The following TNIK variants were observed in gnomAD, a reference collection of about 807,000 sequenced individuals.
TNIK encodes TRAF2 and NCK interacting kinase, also known as TRAF2 and NCK-interacting protein kinase.
Under a neutral mutation model 191.3 loss-of-function variants are expected in TNIK, and 49 were observed. The observed-to-expected ratio is 0.26, with a 90% CI of 0.20 to 0.32. The LOEUF is 0.32. TNIK is among the 10% of genes least tolerant of loss of function. The probability of loss-of-function intolerance (pLI) is 1.00; values close to 1 mark genes in which losing one functional copy is unlikely to be tolerated. For missense variants in TNIK, 1,155 were observed against 1,702.3 expected, an observed-to-expected ratio of 0.68 and a Z score of 5.66; for synonymous variants, 594 against 600.9, an observed-to-expected ratio of 0.99 and a Z score of 0.17.
chr3:171,223,727 C>T (rs1471988909), intron 3 of TNIK, among the ~76,000 whole-genome samples: 1 of 152,130 alleles, frequency 6.6e-6, no homozygotes, highest in African/African-American at 2.4e-5. Context: ...AGAGTTCTGG[C>T]ACGTAGTAAT....
In TNIK at chr3:171,157,453, T is replaced by A. The variant is rs1230905057; in HGVS notation, c.1221+7A>T. The A allele has an allele frequency of 1.3e-6, 2 of 1,556,920 alleles. No individual in the cohort carries two copies. The highest frequency in any genetic ancestry group is 1.7e-6 in the Non-Finnish European group (2 of 1,150,932). On this transcript the variant is annotated splice_region_variant and intron_variant, in intron 12 of 32. Transcript: ENST00000436636. ...TGGGGTCAGAGGTGGCCCGAGCAGG[T>A]CCTCACCTCCTCCAGCCGCCGCCTC...
At chr3:171,349,108 C>G (rs1214989818) in intron 2 of TNIK, among the ~76,000 whole-genome samples, 1 of 151,786 alleles carries the variant, frequency 6.6e-6, no homozygotes, top group Non-Finnish European at 1.5e-5. Flanking sequence ...GATTCAGACT[C>G]TCAGCTATAA....
intron 1 of TNIK, among the ~76,000 whole-genome samples, chr3:171,403,740 T>C (rs958581978): frequency 6.9e-6 from 1 of 144,124 alleles, no homozygotes; most frequent in Non-Finnish European, 1.5e-5. Context: ...TGGAGAATAA[T>C]GGAGACAGTA....
At chr3:171,164,942 G>A (rs147315567) in intron 10 of TNIK, among the ~76,000 whole-genome samples, 1 of 152,318 alleles carries the variant, frequency 6.6e-6, no homozygotes, top group African/African-American at 2.4e-5. Flanking sequence ...AACAATGTAT[G>A]ATAGTCTAAG....
intron 2 of TNIK, among the ~76,000 whole-genome samples, chr3:171,367,568 T>G (rs1346370988): frequency 2.0e-5 from 3 of 151,916 alleles, no homozygotes; most frequent in Non-Finnish European, 4.4e-5. Context: ...CTCCCAGGCT[T>G]AAGAGATTCT....
At chr3:171,196,583 A>G (rs1738698674) in intron 4 of TNIK, among the ~76,000 whole-genome samples, 1 of 152,208 alleles carries the variant, frequency 6.6e-6, no homozygotes, top group Non-Finnish European at 1.5e-5. Flanking sequence ...CATAAATTGC[A>G]AGGGAGAAAA....
At chr3:171,076,730 T>C (rs1720003519) in intron 28 of TNIK, among the ~76,000 whole-genome samples, 1 of 152,156 alleles carries the variant, frequency 6.6e-6, no homozygotes, top group Admixed American at 6.6e-5. Context: ...TGATTCCTGC[T>C]CCATAAAAAC....
intron 12 of TNIK, among the ~76,000 whole-genome samples, chr3:171,149,955 T>C (rs1380594857): frequency 6.6e-6 from 1 of 152,224 alleles, no homozygotes; most frequent in Non-Finnish European, 1.5e-5. Context: ...AGTGCTGATG[T>C]GTTAACACTC....
chr3:171,144,269 A>G (rs909340216), intron 12 of TNIK, among the ~76,000 whole-genome samples: 1 of 152,236 alleles, frequency 6.6e-6, no homozygotes, highest in African/African-American at 2.4e-5. Flanking sequence ...GATGATGGAT[A>G]GAACCTACTG....
chr3:171,153,010 A>C (rs1732671496), intron 12 of TNIK, among the ~76,000 whole-genome samples: 1 of 151,942 alleles, frequency 6.6e-6, no homozygotes, highest in Non-Finnish European at 1.5e-5. Flanking sequence ...TGATCTCGTG[A>C]TCCACCTGCC....
chr3:171,103,742 TTAA>T (rs1293326007), intron 21 of TNIK, among the ~76,000 whole-genome samples: 1 of 152,004 alleles, frequency 6.6e-6, no homozygotes, highest in African/African-American at 2.4e-5. Flanking sequence ...ATCTCTATTG[TTAA>T]TAATTCTGAG....
At chr3:171,127,069 C>G (rs1031439995) in intron 16 of TNIK, among the ~76,000 whole-genome samples, 2 of 152,214 alleles carry the variant, frequency 1.3e-5, no homozygotes, top group Non-Finnish European at 2.9e-5. Flanking sequence ...ATCGTCATAT[C>G]CCCTAGGCTA....
intron 2 of TNIK, among the ~76,000 whole-genome samples, chr3:171,316,337 A>T (rs1467502606): frequency 1.3e-5 from 2 of 152,208 alleles, no homozygotes; most frequent in Non-Finnish European, 2.9e-5. Flanking sequence ...TACACACAAT[A>T]GGCCAACAAG....
intron 1 of TNIK, among the ~76,000 whole-genome samples, chr3:171,425,699 A>C (rs1317015170): frequency 6.6e-6 from 1 of 151,908 alleles, no homozygotes; most frequent in Non-Finnish European, 1.5e-5. Context: ...ATGGTGGCAG[A>C]CACCTGTAAT....
At chr3:171,242,462 G>A (rs1745101577) in intron 2 of TNIK, among the ~76,000 whole-genome samples, 1 of 151,392 alleles carries the variant, frequency 6.6e-6, no homozygotes, top group Admixed American at 6.6e-5. Context: ...CAATCACATT[G>A]GTTGGGTCTT....
intron 15 of TNIK, among the ~76,000 whole-genome samples, chr3:171,131,215 G>C (rs1467537002): frequency 6.6e-6 from 1 of 150,890 alleles, no homozygotes; most frequent in Non-Finnish European, 1.5e-5. Context: ...GCGGGCGCCG[G>C]TAGTCCCAGC....
At chr3:171,179,229 C>G in intron 7 of TNIK, among the ~76,000 whole-genome samples, 1 of 152,242 alleles carries the variant, frequency 6.6e-6, no homozygotes, top group East Asian at 1.9e-4. Context: ...TGTCCCTTCT[C>G]TTTGTTATGT....
intron 4 of TNIK, among the ~76,000 whole-genome samples, chr3:171,199,989 G>T (rs550875709): frequency 9.9e-5 from 15 of 152,138 alleles, no homozygotes; most frequent in Non-Finnish European, 2.9e-5. Flanking sequence ...TTTGTAAAAG[G>T]CACTGGGCAC....
At chr3:171,080,204 G>A (rs73879282) in intron 27 of TNIK, among the ~76,000 whole-genome samples, 4 of 152,070 alleles carry the variant, frequency 2.6e-5, no homozygotes, top group African/African-American at 4.8e-5. Context: ...TTAAATTTCC[G>A]TTTGGTAAAG....
Sources: gnomAD v4.1 joint callset for allele counts (sites outside exome capture counted in the v4.1 genomes callset) on GRCh38, gnomAD v4.1.1 for gene constraint, MANE v1.5 for transcripts, NCBI Gene and HGNC (gene_info 2026-07-23, HGNC 2026-07-21) for gene names.